Variants in CLYBL observed in about 807,000 individuals in gnomAD.
CLYBL encodes the protein citramalyl-CoA lyase, mitochondrial.
A neutral mutation model predicts 38.9 loss-of-function variants in CLYBL; 31 were observed. The ratio of observed to expected loss-of-function variants is 0.80; its 90% confidence interval spans 0.60 to 1.08. CLYBL has a LOEUF of 1.08. Among genes scored for constraint, CLYBL ranks in the 50% least tolerant of loss-of-function variants. The pLI, the probability that CLYBL is intolerant of heterozygous loss-of-function variation, is 0.00. For missense variants in CLYBL, 434 were observed against 411.6 expected (o/e 1.05, Z -0.47); for synonymous variants, 171 against 158.6 (o/e 1.08, Z -0.59).
intron 1 of CLYBL, among the ~76,000 whole-genome samples, chr13:99,731,437 C>G (rs4771342): frequency 0.18 from 26,756 of 149,628 alleles, 2,540 homozygotes; most frequent in Admixed American, 0.22. Context: ...AGTTTGAGAT[C>G]AGCCTAAGTA....
At chr13:99,780,861 C>A (rs923112640) in intron 2 of CLYBL, among the ~76,000 whole-genome samples, 2 of 151,424 alleles carry the variant, frequency 1.3e-5, no homozygotes, top group African/African-American at 2.4e-5. Flanking sequence ...ATACAGGTGC[C>A]TGCCACCACA....
intron 1 of CLYBL, among the ~76,000 whole-genome samples, chr13:99,628,814 C>A (rs1020618525): frequency 1.3e-5 from 2 of 152,088 alleles, no homozygotes; most frequent in African/African-American, 4.8e-5. Flanking sequence ...GGTACAATGG[C>A]CAGTTATTTC....
chr13:99,739,081 G>A (rs1006391824), intron 1 of CLYBL, among the ~76,000 whole-genome samples: 1 of 152,192 alleles, frequency 6.6e-6, no homozygotes, highest in African/African-American at 2.4e-5. Context: ...ATAGGATCAT[G>A]TCTGTTTTTA....
At chr13:99,705,921 AT>A (rs34844714) in intron 1 of CLYBL, among the ~76,000 whole-genome samples, 6,188 of 147,170 alleles carry the variant, frequency 0.042, 151 homozygotes, top group Non-Finnish European at 0.06. Flanking sequence ...TTTTGCCCCA[AT>A]TTTTTTTTTT....
intron 2 of CLYBL, among the ~76,000 whole-genome samples, chr13:99,781,196 A>G (rs1297751164): frequency 1.3e-5 from 2 of 150,628 alleles, no homozygotes; most frequent in African/African-American, 4.9e-5. Context: ...TTTGAGACGG[A>G]GTCTCGCTGT....
At chr13:99,836,859 G>T (rs2050947427) in intron 2 of CLYBL, among the ~76,000 whole-genome samples, 2 of 151,902 alleles carry the variant, frequency 1.3e-5, no homozygotes, top group Non-Finnish European at 2.9e-5. Context: ...ATGAACACAG[G>T]AAGGGGAACA....
intron 2 of CLYBL, among the ~76,000 whole-genome samples, chr13:99,817,289 C>T (rs558633550): frequency 3.1e-4 from 47 of 151,072 alleles, no homozygotes; most frequent in Non-Finnish European, 5.9e-4. Context: ...GGAAAGGAGA[C>T]GAGAGGAGAG....
At chr13:99,665,240 T>C (rs12427494) in intron 1 of CLYBL, among the ~76,000 whole-genome samples, 45,726 of 151,732 alleles carry the variant, frequency 0.3, 8,296 homozygotes, top group Middle Eastern at 0.43. Context: ...GATTAGTGTT[T>C]CTAAGAATTA....
chr13:99,743,973 T>TC (rs2139609432), intron 1 of CLYBL, among the ~76,000 whole-genome samples: 1 of 137,598 alleles, frequency 7.3e-6, no homozygotes, highest in South Asian at 2.5e-4. Context: ...TTTCTTTTTT[T>TC]TTTTTTTTTT....
chr13:99,832,029 A>C (rs1330183172), intron 2 of CLYBL, among the ~76,000 whole-genome samples: 5 of 152,188 alleles, frequency 3.3e-5, no homozygotes. Context: ...TCTTCATTTC[A>C]ATGTTAGAAT....
chr13:99,879,142 C>T (rs960228554), intron 7 of CLYBL, among the ~76,000 whole-genome samples: 9 of 152,320 alleles, frequency 5.9e-5, no homozygotes, highest in Non-Finnish European at 1.3e-4. Flanking sequence ...TCTACTGCTT[C>T]TCCTTCCCCA....
intron 2 of CLYBL, among the ~76,000 whole-genome samples, chr13:99,810,263 T>A (rs1157684853): frequency 6.6e-6 from 1 of 152,214 alleles, no homozygotes; most frequent in Non-Finnish European, 1.5e-5. Context: ...CATCAATGTT[T>A]GGTTGTGAAC....
rs886567394 is a variant in CLYBL, at chr13:99,865,495, G to A, written c.634+584G>A. On this transcript the variant is annotated intron_variant, in intron 5 of 8. Coordinates refer to ENST00000339105, the MANE Select transcript of CLYBL (RefSeq NM_206808.5). This position sits in a 1 kb window ranked among gnomAD's most constrained non-coding sequence, Gnocchi z 4.7. Reference sequence around the variant, plus strand: ...GGGTCTGCATGTTTGACTGGAGACCGTGAAGCATTTAGAAAAGAGGCCGAG... The same window carrying A: ...GGGTCTGCATGTTTGACTGGAGACCATGAAGCATTTAGAAAAGAGGCCGAG... Among the ~76,000 whole-genome samples, 4 of 152,166 alleles carry A rather than the reference G, an allele frequency of 2.6e-5. No homozygotes were observed. Among genetic ancestry groups the A allele is most frequent in the Non-Finnish European group, 4.4e-5 (3 of 68,028 alleles).
chr13:99,718,898 A>C (rs1403075971), intron 1 of CLYBL, among the ~76,000 whole-genome samples: 1 of 151,856 alleles, frequency 6.6e-6, no homozygotes, highest in African/African-American at 2.4e-5. Flanking sequence ...GCTGGAGTGC[A>C]GTGGCATGAT....
intron 1 of CLYBL, among the ~76,000 whole-genome samples, chr13:99,608,493 G>A (rs369758251): frequency 1.6e-4 from 25 of 152,276 alleles, no homozygotes; most frequent in African/African-American, 6.0e-4. Flanking sequence ...CCTGGCACAG[G>A]GGAGTCACCC....
intron 7 of CLYBL, among the ~76,000 whole-genome samples, chr13:99,881,012 C>T (rs2052192905): frequency 6.6e-6 from 1 of 152,238 alleles, no homozygotes; most frequent in Admixed American, 6.5e-5. Context: ...CATGCTGCTC[C>T]CGTCTGGCTT....
intron 2 of CLYBL, among the ~76,000 whole-genome samples, chr13:99,773,867 C>T (rs764318785): frequency 4.6e-5 from 7 of 152,040 alleles, no homozygotes; most frequent in Non-Finnish European, 1.0e-4. Flanking sequence ...CACATAGAAC[C>T]TTAGTGGTTG....
At position 99,832,091 on chromosome 13, in the gene CLYBL, G is replaced by A. The variant is rs116536967; in HGVS notation, c.250-26770G>A. Reference sequence around the variant, plus strand: ...CAGTCGAGGATGAATAGCTTACAGTGTTTGCGGCAATATTGGATGTATTTA... The same window carrying A: ...CAGTCGAGGATGAATAGCTTACAGTATTTGCGGCAATATTGGATGTATTTA... On this transcript the variant is annotated intron_variant, in intron 2 of 8. Transcript: ENST00000339105. 2.8e-3 allele frequency among the ~76,000 whole-genome samples: 432 copies of A among 152,288 alleles called. 2 individuals are homozygous for A. Among genetic ancestry groups the A allele is most frequent in the African/African-American group, 9.8e-3 (409 of 41,552 alleles).
At chr13:99,673,050 TAAC>T (rs1025806076) in intron 1 of CLYBL, among the ~76,000 whole-genome samples, 10 of 152,118 alleles carry the variant, frequency 6.6e-5, no homozygotes, top group Admixed American at 1.3e-4. Flanking sequence ...AGGCTGATGG[TAAC>T]AACAGAGATA....
Sources: allele counts gnomAD v4.1 joint callset (sites outside exome capture counted in the v4.1 genomes callset), GRCh38; gene constraint gnomAD v4.1.1; non-coding constraint Gnocchi (gnomAD v3.1); transcripts MANE v1.5; gene names NCBI Gene and HGNC (gene_info 2026-07-23, HGNC 2026-07-21).